BMP2K: variants seen among roughly 807,000 people sequenced by gnomAD.
BMP2K encodes the protein BMP2 inducible kinase.
In BMP2K, 74 loss-of-function variants were observed where a neutral mutation model predicts 116.0. The observed-to-expected ratio is 0.64, with a 90% CI of 0.53 to 0.77. BMP2K has a LOEUF of 0.77. BMP2K is among the 30% of genes least tolerant of loss of function. The probability of loss-of-function intolerance (pLI) is 0.00; values close to 1 mark genes in which losing one functional copy is unlikely to be tolerated. For missense variants in BMP2K, 1,365 were observed against 1,403.6 expected (o/e 0.97, Z 0.44); for synonymous variants, 486 against 502.5 (o/e 0.97, Z 0.44).
At chr4:78,800,233 G>T (rs537265833) in intron 1 of BMP2K, among the ~76,000 whole-genome samples, 1 of 152,276 alleles carries the variant, frequency 6.6e-6, no homozygotes, top group South Asian at 2.1e-4. Flanking sequence ...CTTTGGCTCT[G>T]TGATGAGACT....
chr4:78,806,039 C>A (rs902528969), intron 1 of BMP2K, among the ~76,000 whole-genome samples: 10 of 152,018 alleles, frequency 6.6e-5, no homozygotes, highest in African/African-American at 2.4e-4. Context: ...TGTGACACAT[C>A]CTCTAGAGAT....
intron 3 of BMP2K, among the ~76,000 whole-genome samples, chr4:78,836,278 G>A (rs1056694729): frequency 4.6e-5 from 7 of 151,946 alleles, no homozygotes; most frequent in African/African-American, 1.2e-4. Flanking sequence ...TTAGCTGGGC[G>A]TAGTGGTGGA....
intron 1 of BMP2K, among the ~76,000 whole-genome samples, chr4:78,793,741 A>G (rs1274736994): frequency 6.6e-6 from 1 of 152,204 alleles, no homozygotes; most frequent in Non-Finnish European, 1.5e-5. Flanking sequence ...ACTTGGATAT[A>G]AAAGCCTTAA....
At chr4:78,884,308 A>C (rs374386767) in intron 14 of BMP2K, among the ~76,000 whole-genome samples, 1 of 152,136 alleles carries the variant, frequency 6.6e-6, no homozygotes, top group East Asian at 1.9e-4. Context: ...GGTTGGGTGA[A>C]AGAGTGAGAC....
rs1731221011 is a variant in BMP2K at position 78,850,941 on chromosome 4, C to T, written c.768C>T (p.Leu256=). The change falls in exon 7 of 16, where the codon CTC becomes CTT. Residue 256 remains leucine (L), a synonymous_variant. Coordinates refer to ENST00000502613, the MANE Select transcript of BMP2K (RefSeq NM_198892.2). ...KADIWALGCL[L]YKLCFFTLPF... ...GTTTACAGGCACTGGGATGTCTACT[C>T]TATAAACTTTGTTTCTTCACTCTTC... 6.2e-7 allele frequency: 1 copy of T among 1,611,884 alleles called. No individual in the cohort carries two copies. The highest frequency in any genetic ancestry group is 1.3e-5 in the African/African-American group (1 of 74,782).
chr4:78,856,374 G>C (rs1385669093), intron 7 of BMP2K, among the ~76,000 whole-genome samples: 1 of 151,906 alleles, frequency 6.6e-6, no homozygotes, highest in Non-Finnish European at 1.5e-5. Flanking sequence ...TCAGTGTTTA[G>C]CTGTATTAAA....
At chr4:78,853,062 T>G (rs897605443) in intron 7 of BMP2K, among the ~76,000 whole-genome samples, 1 of 152,196 alleles carries the variant, frequency 6.6e-6, no homozygotes, top group Non-Finnish European at 1.5e-5. Context: ...TGGCTCATAG[T>G]TTTTGAATGT....
chr4:78,842,284 C>A (rs528823281), intron 3 of BMP2K, 101 bp from the exon 4 acceptor site: 2 of 1,042,420 alleles, frequency 1.9e-6, no homozygotes, highest in African/African-American at 1.6e-5. Context: ...ATGAAAAAGC[C>A]AATTTCCCAT....
chr4:78,780,339 G>C (rs1410653016), intron 1 of BMP2K, among the ~76,000 whole-genome samples: 1 of 152,136 alleles, frequency 6.6e-6, no homozygotes, highest in African/African-American at 2.4e-5. Context: ...GATTTACTGA[G>C]ATGGGTGTTG....
intron 2 of BMP2K, among the ~76,000 whole-genome samples, chr4:78,827,436 T>C (rs888696750): frequency 1.3e-5 from 2 of 152,180 alleles, no homozygotes; most frequent in African/African-American, 2.4e-5. Context: ...AGTCTCTGTC[T>C]GTCTTGCTGA....
chr4:78,805,362 CT>C (rs1373458453), intron 1 of BMP2K, among the ~76,000 whole-genome samples: 1 of 151,968 alleles, frequency 6.6e-6, no homozygotes, highest in Non-Finnish European at 1.5e-5. Flanking sequence ...TCTAACTTTG[CT>C]TTTTTTCAGG....
intron 2 of BMP2K, 81 bp downstream of exon 2, chr4:78,826,236 G>T: frequency 9.5e-7 from 1 of 1,057,728 alleles, no homozygotes; most frequent in South Asian, 1.4e-5. Context: ...GCAGTGGAGT[G>T]GCACGCCCAG....
intron 1 of BMP2K, among the ~76,000 whole-genome samples, chr4:78,813,114 C>A (rs992161065): frequency 6.6e-6 from 1 of 151,476 alleles, no homozygotes; most frequent in Non-Finnish European, 1.5e-5. Context: ...TCTTCTCCAT[C>A]TCATTTGATG....
intron 15 of BMP2K, among the ~76,000 whole-genome samples, chr4:78,892,433 G>A (rs540298268): frequency 4.6e-5 from 7 of 152,194 alleles, no homozygotes; most frequent in South Asian, 2.1e-4. Flanking sequence ...CTGATATTCC[G>A]TTTTTATACC....
intron 1 of BMP2K, among the ~76,000 whole-genome samples, chr4:78,780,245 C>T (rs945268929): frequency 3.3e-5 from 5 of 151,996 alleles, no homozygotes; most frequent in African/African-American, 1.2e-4. Context: ...ACTGGGAGAG[C>T]AGAGATAACT....
chr4:78,903,780 G>A (rs747763903), intron 15 of BMP2K, among the ~76,000 whole-genome samples: 8 of 151,832 alleles, frequency 5.3e-5, no homozygotes, highest in Non-Finnish European at 1.2e-4. Flanking sequence ...TTTTGGGCAT[G>A]GTTTTTTAGT....
intron 1 of BMP2K, among the ~76,000 whole-genome samples, chr4:78,786,714 T>A (rs1308859518): frequency 6.6e-6 from 1 of 152,210 alleles, no homozygotes; most frequent in African/African-American, 2.4e-5. Flanking sequence ...GTTACTTTTT[T>A]GTAATCTTTA....
At position 78,878,900 on chromosome 4, in the gene BMP2K, C is replaced by T. The variant is rs1200663749; in HGVS notation, c.1951+9C>T. On this transcript the variant is annotated intron_variant, in intron 14 of 15. Coordinates refer to ENST00000502613, the MANE Select transcript of BMP2K (RefSeq NM_198892.2). ...TGACCTTCTAAGATCAAGTAAGGGA[C>T]ACTTGAAGGCTTATTTTGCTTCACA... is the stretch of plus-strand genomic sequence containing the variant. 1.9e-6 allele frequency: 3 copies of T among 1,599,992 alleles called. No individual in the cohort carries two copies. In the East Asian group the frequency reaches 6.7e-5, roughly 36 times the overall value.
intron 13 of BMP2K, among the ~76,000 whole-genome samples, chr4:78,878,135 C>T (rs1296417251): frequency 7.9e-5 from 12 of 152,034 alleles, no homozygotes; most frequent in Non-Finnish European, 1.6e-4. Context: ...AAAAATAACC[C>T]TCATTTAACT....
Sources: gnomAD v4.1 joint callset for allele counts (sites outside exome capture counted in the v4.1 genomes callset) on GRCh38, gnomAD v4.1.1 for gene constraint, MANE v1.5 for transcripts, NCBI Gene and HGNC (gene_info 2026-07-23, HGNC 2026-07-21) for gene names.